Variants in DAAM2 observed in about 807,000 individuals in gnomAD.
The protein encoded by DAAM2 is dishevelled associated activator of morphogenesis 2.
DAAM2 carries 39 observed loss-of-function variants against 120.7 expected under a neutral mutation model. The observed-to-expected ratio is 0.32, with a 90% confidence interval of 0.25 to 0.42. The LOEUF (loss-of-function observed/expected upper bound fraction) is 0.42. Among genes scored for constraint, DAAM2 ranks in the 10% least tolerant of loss-of-function variants. DAAM2 has a pLI of 1.00. For missense variants in DAAM2, 1,283 were observed against 1,401.7 expected, an observed-to-expected ratio of 0.92 and a Z score of 1.35; for synonymous variants, 488 against 524.9, an observed-to-expected ratio of 0.93 and a Z score of 0.96.
At chr6:39,856,098 G>A in intron 1 of DAAM2, 149 bp from the exon 2 acceptor site, 11 of 1,239,352 alleles carry the variant, frequency 8.9e-6, no homozygotes, top group African/African-American at 1.6e-5. Flanking sequence ...GCTGTGGGAG[G>A]AGGGGCGACA....
At chr6:39,854,539 G>C (rs1203377239) in intron 1 of DAAM2, among the ~76,000 whole-genome samples, 1 of 152,022 alleles carries the variant, frequency 6.6e-6, no homozygotes, top group Non-Finnish European at 1.5e-5. Flanking sequence ...AAATGGAGCT[G>C]GTAAAAAATT....
In DAAM2 at chr6:39,867,553, C is replaced by T. The variant is rs766020911; in HGVS notation, c.472C>T (p.Leu158=). ...FIELEGLTCL[L]NFLRSMDHAT... ...TGAGCTGGAGGGCTTGACCTGTCTG[C>T]TAAATTTCCTCCGGAGCATGGACCA... Residue 158 remains leucine (L), a synonymous_variant, in exon 6 of 25, where the codon CTA becomes TTA. Transcript: ENST00000274867. 5.6e-6 allele frequency: 9 copies of T among 1,614,036 alleles called. No homozygotes were observed. In the South Asian group the frequency reaches 8.8e-5, roughly 16 times the overall value.
chr6:39,851,573 A>T (rs1477185682), intron 1 of DAAM2, among the ~76,000 whole-genome samples: 1 of 152,182 alleles, frequency 6.6e-6, no homozygotes, highest in Admixed American at 6.5e-5. Flanking sequence ...TGAAATGTAA[A>T]AGCTGGTGTG....
In DAAM2 at chr6:39,891,366, G is replaced by C. The variant is rs778376592; in HGVS notation, c.2171G>C (p.Ser724Thr). 3.1e-6 allele frequency: 5 copies of C among 1,610,442 alleles called. No homozygotes were observed. In the African/African-American group the frequency reaches 6.7e-5, roughly 22 times the overall value. The change falls in exon 18 of 25, where the codon AGT becomes ACT. Residue 724 changes from serine to threonine, a missense_variant. Transcript: ENST00000274867. ...EQLLKFIPEKSDIDLLEEHKH... is the reference protein window; with the variant it reads ...EQLLKFIPEKTDIDLLEEHKH... Reference sequence around the variant, plus strand: ...CTCCTCAAGTTCATCCCAGAGAAGAGTGACATTGACCTCCTGGAGGAGCAC... The same window carrying C: ...CTCCTCAAGTTCATCCCAGAGAAGACTGACATTGACCTCCTGGAGGAGCAC...
At chr6:39,827,141 C>T (rs986805420) in intron 1 of DAAM2, among the ~76,000 whole-genome samples, 3 of 152,102 alleles carry the variant, frequency 2.0e-5, no homozygotes, top group Non-Finnish European at 4.4e-5. Context: ...AATTTGTCTG[C>T]GACTGTTCTG....
At chr6:39,815,593 C>G (rs1443982937) in intron 1 of DAAM2, among the ~76,000 whole-genome samples, 6 of 151,932 alleles carry the variant, frequency 3.9e-5, no homozygotes, top group Admixed American at 3.9e-4. Context: ...TCATGCAAAC[C>G]ACGAACTCTT....
At chr6:39,891,869 A>G in intron 19 of DAAM2, 147 bp downstream of exon 19, 1 of 644,660 alleles carries the variant, frequency 1.6e-6, no homozygotes, top group Non-Finnish European at 2.7e-6. Flanking sequence ...CAAAATCTAA[A>G]ATGATGATTA....
At chr6:39,843,419 T>C (rs1477084402) in intron 1 of DAAM2, among the ~76,000 whole-genome samples, 1 of 152,188 alleles carries the variant, frequency 6.6e-6, no homozygotes, top group Non-Finnish European at 1.5e-5. Context: ...TAAAGTAACT[T>C]GTCTCTGTTC....
rs564928446 is a variant in DAAM2, at chr6:39,835,352, A to G, written c.-56-20895A>G. Among the ~76,000 whole-genome samples the G allele has an allele frequency of 4.3e-4, 66 of 152,334 alleles. No homozygotes were observed. In the South Asian group the frequency reaches 0.012, roughly 28 times the overall value. On this transcript the variant is annotated intron_variant, in intron 1 of 24. Transcript: ENST00000274867. ...TTTATTTTATGTATTTTCTGTGTGC[A>G]AGAGAGAGAGCAGGAAGATTTGACT...
At chr6:39,884,220 C>G (rs1765268726) in intron 15 of DAAM2, 151 bp downstream of exon 15, 2 of 606,304 alleles carry the variant, frequency 3.3e-6, no homozygotes, top group Non-Finnish European at 5.9e-6. Context: ...TTCCTTCCTT[C>G]CTCACATGTA....
intron 1 of DAAM2, among the ~76,000 whole-genome samples, chr6:39,854,917 A>G (rs151227922): frequency 5.2e-4 from 79 of 152,300 alleles, no homozygotes; most frequent in African/African-American, 1.8e-3. Context: ...TTTTTGTGTC[A>G]TTAGGGTCTG....
chr6:39,821,499 T>C (rs1312242075), intron 1 of DAAM2: 2 of 152,272 alleles, frequency 1.3e-5, no homozygotes, highest in Non-Finnish European at 2.9e-5. Flanking sequence ...CCGCGTTACA[T>C]CCTCTTCCTT....
At chr6:39,823,791 A>T (rs2114147056) in intron 1 of DAAM2, among the ~76,000 whole-genome samples, 1 of 152,292 alleles carries the variant, frequency 6.6e-6, no homozygotes, top group South Asian at 2.1e-4. Context: ...GGGCTGGGCA[A>T]TCAGCATCCT....
At chr6:39,794,023 G>T (rs191754040) in intron 1 of DAAM2, among the ~76,000 whole-genome samples, 1 of 152,286 alleles carries the variant, frequency 6.6e-6, no homozygotes, top group Admixed American at 6.5e-5. Flanking sequence ...ATTCAGGAAG[G>T]ATTTTAGAAA....
intron 1 of DAAM2, among the ~76,000 whole-genome samples, chr6:39,814,549 C>T (rs1374805797): frequency 6.6e-6 from 1 of 152,250 alleles, no homozygotes; most frequent in Non-Finnish European, 1.5e-5. Flanking sequence ...AGCTAAGGAC[C>T]TGGAGTAAGA....
In DAAM2 at chr6:39,809,377, C is replaced by T. The variant is rs182392261; in HGVS notation, c.-57+16912C>T. ...TCACAGGCCTCAGTTCTTTGGCTCT[C>T]ATTCATGTCTCATTAAAGTCACGTA... is the stretch of plus-strand genomic sequence containing the variant. On this transcript the variant is annotated intron_variant, in intron 1 of 24. Coordinates refer to ENST00000274867, the MANE Select transcript of DAAM2 (RefSeq NM_001201427.2). Among the ~76,000 whole-genome samples, 4 of 152,296 alleles carry T rather than the reference C, an allele frequency of 2.6e-5. No homozygotes were observed. In the East Asian group the frequency reaches 7.7e-4, roughly 29 times the overall value.
chr6:39,832,769 C>T (rs948094867), intron 1 of DAAM2, among the ~76,000 whole-genome samples: 4 of 152,164 alleles, frequency 2.6e-5, no homozygotes, highest in Non-Finnish European at 5.9e-5. Flanking sequence ...CAGTTCTCCA[C>T]GGAGCTGTAC....
intron 16 of DAAM2, chr6:39,887,843 G>A: frequency 4.3e-6 from 2 of 463,926 alleles, no homozygotes; most frequent in South Asian, 2.2e-5. Flanking sequence ...AGCCCACGGA[G>A]GGCCTCGCTT....
At chr6:39,881,721 A>G (rs1018547042) in intron 14 of DAAM2, 5 of 151,392 alleles carry the variant, frequency 3.3e-5, no homozygotes, top group Admixed American at 6.6e-5. Context: ...CTCCGTCTCG[A>G]AAAAAAAAGA....
Sources: gnomAD v4.1 joint callset for allele counts (sites outside exome capture counted in the v4.1 genomes callset) on GRCh38, gnomAD v4.1.1 for gene constraint, MANE v1.5 for transcripts, NCBI Gene and HGNC (gene_info 2026-07-23, HGNC 2026-07-21) for gene names.